Variants in TP63 observed in about 807,000 individuals in gnomAD.
TP63 encodes the protein tumor protein 63.
TP63 carries 17 observed loss-of-function variants against 82.8 expected under a neutral mutation model. The ratio of observed to expected loss-of-function variants is 0.21; its 90% CI spans 0.14 to 0.31. TP63 has a LOEUF of 0.31. Among genes scored for constraint, TP63 ranks in the 10% least tolerant of loss-of-function variants. The pLI is 1.00. For synonymous variants in TP63, 330 were observed against 321.7 expected (o/e 1.03, Z -0.28); for missense variants, 648 against 895.3 (o/e 0.72, Z 3.52).
chr3:189,801,866 A>G (rs368410555), intron 3 of TP63, among the ~76,000 whole-genome samples: 1 of 152,216 alleles, frequency 6.6e-6, no homozygotes, highest in Non-Finnish European at 1.5e-5. Flanking sequence ...ATGAGTATAT[A>G]TTAAGTATTC....
Position 189,886,380 on chromosome 3 carries a change from G to A in TP63, c.1350-14G>A. 6.2e-7 allele frequency: 1 copy of A among 1,613,598 alleles called. No individual in the cohort carries two copies. Among genetic ancestry groups the A allele is most frequent in the Non-Finnish European group, 8.5e-7 (1 of 1,179,774 alleles). ...GTCCCTTGCTCACCATTATTTCCAT[G>A]TTTGTCTTCCTAGGACCTCAATACA... On this transcript the variant is annotated splice_polypyrimidine_tract_variant and intron_variant, in intron 10 of 13. Transcript: ENST00000264731.
the TP63 span, among the ~76,000 whole-genome samples, chr3:189,621,799 A>G: frequency 1.9e-4 from 29 of 152,280 alleles, no homozygotes; most frequent in East Asian, 4.8e-3. Flanking sequence ...TATTTATACT[A>G]TTCAGAAGTA....
chr3:189,699,422 TAA>T (rs1717636110), intron 1 of TP63, among the ~76,000 whole-genome samples: 1 of 152,196 alleles, frequency 6.6e-6, no homozygotes, highest in Non-Finnish European at 1.5e-5. Context: ...AATAAGAAAT[TAA>T]AAGTTTGGAC....
At chr3:189,846,630 G>A (rs1227187054) in intron 4 of TP63, among the ~76,000 whole-genome samples, 1 of 133,982 alleles carries the variant, frequency 7.5e-6, no homozygotes, top group Non-Finnish European at 1.6e-5. Flanking sequence ...GTGTGTGTGT[G>A]TGTGTGTGTG....
At chr3:189,607,017 T>C in the TP63 span, among the ~76,000 whole-genome samples, 7 of 152,318 alleles carry the variant, frequency 4.6e-5, no homozygotes, top group East Asian at 9.7e-4. Flanking sequence ...AGCTGTTATG[T>C]TGGAGAGGCC....
intron 3 of TP63, among the ~76,000 whole-genome samples, chr3:189,750,270 C>T (rs544271885): frequency 1.1e-3 from 169 of 151,998 alleles, no homozygotes; most frequent in East Asian, 1.2e-3. Context: ...AAAAATTTAT[C>T]TCATGGAAGT....
At chr3:189,668,413 T>C (rs1714598226) in intron 1 of TP63, among the ~76,000 whole-genome samples, 1 of 152,114 alleles carries the variant, frequency 6.6e-6, no homozygotes, top group Admixed American at 6.6e-5. Flanking sequence ...TTTAATGTTA[T>C]ATAGATGAGG....
In TP63 at chr3:189,894,627, G is replaced by A. The variant is rs1256415679; in HGVS notation, c.*125G>A. The A allele has an allele frequency of 3.7e-5, 45 of 1,217,312 alleles. No individual in the cohort carries two copies. Among genetic ancestry groups the A allele is most frequent in the Admixed American group, 6.2e-5 (3 of 48,630 alleles). 75.4% of individuals were successfully genotyped at this position (1,217,312 alleles called of 1,614,324 possible). On this transcript the variant is annotated 3_prime_UTR_variant, in exon 14 of 14. Coordinates refer to ENST00000264731, the MANE Select transcript of TP63 (RefSeq NM_003722.5). The stretch of plus-strand genomic sequence containing the variant: ...CCTCTTGTCTGATTTCTTAGGGGAA[G>A]GAGAAGTAAGAGGCTACCTCTTACC...
chr3:189,613,937 A>G, the TP63 span, among the ~76,000 whole-genome samples: 1 of 152,182 alleles, frequency 6.6e-6, no homozygotes, highest in Non-Finnish European at 1.5e-5. Context: ...TCTAGGAAGT[A>G]ACTAGCTTGT....
At chr3:189,794,345 G>T (rs1397435379) in intron 3 of TP63, among the ~76,000 whole-genome samples, 2 of 151,988 alleles carry the variant, frequency 1.3e-5, no homozygotes, top group Non-Finnish European at 2.9e-5. Flanking sequence ...ATACAGGAGA[G>T]ATTTTAAGTG....
Position 189,800,509 on chromosome 3 carries a change from A to T in TP63, c.325-7763A>T, listed in dbSNP as rs191582415. 3.0e-4 allele frequency among the ~76,000 whole-genome samples: 45 copies of T among 152,066 alleles called. 1 individual carries two copies. In the East Asian group the frequency reaches 6.9e-3, roughly 23 times the overall value. ...AAAAAAGAAAAAAAAAGCAAATAAA[A>T]GAGGTGCGCTTTTCTTGATTGTAAC... On this transcript the variant is annotated intron_variant, in intron 3 of 13. Coordinates refer to ENST00000264731, the MANE Select transcript of TP63 (RefSeq NM_003722.5).
the TP63 span, among the ~76,000 whole-genome samples, chr3:189,598,136 A>G: frequency 6.6e-6 from 1 of 152,120 alleles, no homozygotes; most frequent in Non-Finnish European, 1.5e-5. Context: ...AAATATCTAC[A>G]CTGAAGCAGT....
chr3:189,724,972 C>T (rs561058782), intron 1 of TP63, among the ~76,000 whole-genome samples: 1 of 152,286 alleles, frequency 6.6e-6, no homozygotes, highest in African/African-American at 2.4e-5. Flanking sequence ...GATAAACCAG[C>T]AATCGATTTC....
chr3:189,745,708 C>CAAAAAAAAAAA (rs71298529), intron 3 of TP63, among the ~76,000 whole-genome samples: 1 of 17,790 alleles, frequency 5.6e-5, no homozygotes, highest in African/African-American at 2.0e-4. Context: ...AACTCCATCT[C>CAAAAAAAAAAA]AAAAAAAAAA....
At chr3:189,603,439 A>G in the TP63 span, among the ~76,000 whole-genome samples, 1 of 151,998 alleles carries the variant, frequency 6.6e-6, no homozygotes, top group Non-Finnish European at 1.5e-5. Context: ...TAGTTATACT[A>G]TTACTAATTC....
chr3:189,673,557 A>G (rs1217284701), intron 1 of TP63, among the ~76,000 whole-genome samples: 1 of 152,176 alleles, frequency 6.6e-6, no homozygotes, highest in African/African-American at 2.4e-5. Context: ...ATTTTTGTGT[A>G]TAGGTCGTTA....
intron 1 of TP63, among the ~76,000 whole-genome samples, chr3:189,644,879 G>T (rs1205185563): frequency 6.6e-6 from 1 of 150,938 alleles, no homozygotes; most frequent in Non-Finnish European, 1.5e-5. Flanking sequence ...TTATGGCTGA[G>T]TAGTATCCCA....
At chr3:189,753,858 A>T (rs997172461) in intron 3 of TP63, among the ~76,000 whole-genome samples, 3 of 152,096 alleles carry the variant, frequency 2.0e-5, no homozygotes, top group Non-Finnish European at 4.4e-5. Context: ...TATAAATCTC[A>T]TAGAAATTCA....
At chr3:189,733,272 TC>T (rs1205377058) in intron 1 of TP63, among the ~76,000 whole-genome samples, 4 of 152,236 alleles carry the variant, frequency 2.6e-5, no homozygotes, top group Admixed American at 6.5e-5. Flanking sequence ...TTTTCTCTCT[TC>T]TGCCTTAGAG....
Sources: allele counts gnomAD v4.1 joint callset (sites outside exome capture counted in the v4.1 genomes callset), GRCh38; gene constraint gnomAD v4.1.1; transcripts MANE v1.5; gene names NCBI Gene and HGNC (gene_info 2026-07-23, HGNC 2026-07-21).